GRIK1: variants seen among roughly 807,000 people sequenced by gnomAD.
The protein encoded by GRIK1 is glutamate receptor ionotropic, kainate 1.
In GRIK1, 69 loss-of-function variants were observed where a neutral mutation model predicts 105.7. That is an observed-to-expected ratio of 0.65 (90% confidence interval 0.54 to 0.80). The LOEUF is 0.80. GRIK1 is among the 30% of genes least tolerant of loss of function. The pLI, the probability that GRIK1 is intolerant of heterozygous loss-of-function variation, is 0.00. For missense variants in GRIK1, 1,109 were observed against 1,167.3 expected, an observed-to-expected ratio of 0.95 and a Z score of 0.73; for synonymous variants, 438 against 431.3, an observed-to-expected ratio of 1.02 and a Z score of -0.19.
At chr21:29,664,848 A>G (rs2063029615) in intron 4 of GRIK1, among the ~76,000 whole-genome samples, 1 of 152,154 alleles carries the variant, frequency 6.6e-6, no homozygotes, top group South Asian at 2.1e-4. Context: ...AATCTGACGG[A>G]CACTACAAAC....
chr21:29,939,269 T>A, intron 1 of GRIK1, 114 bp downstream of exon 1: 1 of 656,366 alleles, frequency 1.5e-6, no homozygotes. Context: ...ACCTCCACCT[T>A]CCCCAGCTCC....
rs150104176 is a variant in GRIK1 at position 29,756,370 on chromosome 21, G to T, written c.119-62307C>A. ...CACTCCAGCCTGGGCAACAGAGCGA[G>T]ACTCCATCTCAAAAAAGAAAAAATA... On this transcript the variant is annotated intron_variant, in intron 1 of 17. Coordinates refer to ENST00000327783, the MANE Select transcript of GRIK1 (RefSeq NM_001330994.2). Among the ~76,000 whole-genome samples, 30 of 152,124 alleles carry T rather than the reference G, an allele frequency of 2.0e-4. No homozygotes were observed. In the East Asian group the frequency reaches 5.8e-3, roughly 29 times the overall value.
chr21:29,589,462 C>A (rs560885808), intron 10 of GRIK1, among the ~76,000 whole-genome samples: 81 of 151,272 alleles, frequency 5.4e-4, no homozygotes, highest in African/African-American at 1.9e-3. Context: ...CACTCTGTCA[C>A]CCAGCCTGGA....
rs141790674 is a variant in GRIK1, at chr21:29,601,445, C to A, written c.1099-2508G>T. Among the ~76,000 whole-genome samples the A allele has an allele frequency of 5.7e-3, 863 of 152,312 alleles. 8 individuals carry two copies. The highest frequency in any genetic ancestry group is 0.02 in the African/African-American group (829 of 41,572). On this transcript the variant is annotated intron_variant, in intron 7 of 17. Transcript: ENST00000327783. ...GTATATATATCCTATTGTTCTGTTT[C>A]TCTGGAGAATTCTGGATAATACAGA...
intron 4 of GRIK1, among the ~76,000 whole-genome samples, chr21:29,655,793 G>T (rs1238729413): frequency 1.3e-5 from 2 of 152,008 alleles, no homozygotes; most frequent in Non-Finnish European, 2.9e-5. Flanking sequence ...ACTTGGGATC[G>T]TAATAGTTCC....
chr21:29,852,768 A>G (rs1218656574), intron 1 of GRIK1, among the ~76,000 whole-genome samples: 2 of 152,220 alleles, frequency 1.3e-5, no homozygotes, highest in African/African-American at 4.8e-5. Context: ...AGTTTGAGGA[A>G]TAATTTTTTC....
Position 29,774,514 on chromosome 21 carries a change from C to T in GRIK1, c.119-80451G>A, listed in dbSNP as rs1047243965. On this transcript the variant is annotated intron_variant, in intron 1 of 17. Coordinates refer to ENST00000327783, the MANE Select transcript of GRIK1 (RefSeq NM_001330994.2). Reference sequence around the variant, plus strand: ...TCACTCAGGCTGGAGTGCAGTGGCACGATCTCGGCTCACTGCAACCTCCAC... The same window carrying T: ...TCACTCAGGCTGGAGTGCAGTGGCATGATCTCGGCTCACTGCAACCTCCAC... 1.1e-4 allele frequency among the ~76,000 whole-genome samples: 16 copies of T among 146,250 alleles called. No individual in the cohort carries two copies. In the South Asian group the frequency reaches 1.3e-3, roughly 12 times the overall value.
chr21:29,747,167 C>T (rs1232745784), intron 1 of GRIK1, among the ~76,000 whole-genome samples: 3 of 152,200 alleles, frequency 2.0e-5, no homozygotes, highest in Non-Finnish European at 2.9e-5. Flanking sequence ...GCTCCCAGGA[C>T]TGCAAGACTT....
chr21:29,636,877 A>C (rs1291728488), intron 7 of GRIK1, among the ~76,000 whole-genome samples: 1 of 152,170 alleles, frequency 6.6e-6, no homozygotes, highest in Non-Finnish European at 1.5e-5. Context: ...ATTTTAGCAG[A>C]CAACTTCCAA....
At chr21:29,588,767 C>A in intron 11 of GRIK1, 72 bp downstream of exon 11, 1 of 855,590 alleles carries the variant, frequency 1.2e-6, no homozygotes. Flanking sequence ...AACATTTCTT[C>A]TGACATCATT....
intron 1 of GRIK1, among the ~76,000 whole-genome samples, chr21:29,921,971 T>A (rs553171249): frequency 6.6e-6 from 1 of 152,174 alleles, no homozygotes; most frequent in African/African-American, 2.4e-5. Context: ...CATCCTAAAG[T>A]AGTCCTTCTG....
intron 1 of GRIK1, among the ~76,000 whole-genome samples, chr21:29,839,225 T>C (rs2067902662): frequency 6.6e-6 from 1 of 152,076 alleles, no homozygotes; most frequent in African/African-American, 2.4e-5. Flanking sequence ...AATTTTTGTA[T>C]TTCTAGTAGA....
At chr21:29,659,041 T>C (rs2062909730) in intron 4 of GRIK1, among the ~76,000 whole-genome samples, 1 of 152,210 alleles carries the variant, frequency 6.6e-6, no homozygotes, top group South Asian at 2.1e-4. Context: ...GGGTCTTCCA[T>C]TGGCAATTAG....
intron 14 of GRIK1, among the ~76,000 whole-genome samples, chr21:29,574,683 CTTTTTTTTTT>C (rs71191118): frequency 1.0e-5 from 1 of 98,412 alleles, no homozygotes; most frequent in African/African-American, 3.7e-5. Flanking sequence ...TGATACACTT[CTTTTTTTTTT>C]TTTTTTTTTT....
chr21:29,699,845 C>T (rs779478663), intron 1 of GRIK1, among the ~76,000 whole-genome samples: 18 of 152,070 alleles, frequency 1.2e-4, no homozygotes, highest in African/African-American at 2.2e-4. Flanking sequence ...GAGAGGGTTT[C>T]GGCATGTTGG....
At chr21:29,786,701 A>G (rs1032968390) in intron 1 of GRIK1, among the ~76,000 whole-genome samples, 1 of 152,202 alleles carries the variant, frequency 6.6e-6, no homozygotes, top group South Asian at 2.1e-4. Context: ...ACTGTAGCAC[A>G]TGGAGGATAA....
chr21:29,657,337 C>T (rs1453483893), intron 4 of GRIK1: 1 of 152,148 alleles, frequency 6.6e-6, no homozygotes, highest in Non-Finnish European at 1.5e-5. Context: ...AAGAGATAAG[C>T]ATTTTTTTAA....
At chr21:29,639,109 T>C (rs530298395) in intron 7 of GRIK1, among the ~76,000 whole-genome samples, 1 of 152,324 alleles carries the variant, frequency 6.6e-6, no homozygotes, top group East Asian at 1.9e-4. Flanking sequence ...CTAGTCCAGC[T>C]CCTGACTCTG....
At chr21:29,560,391 T>C (rs1601112384) in intron 15 of GRIK1, among the ~76,000 whole-genome samples, 2 of 94,502 alleles carry the variant, frequency 2.1e-5, no homozygotes, top group Non-Finnish European at 2.0e-5. Context: ...CTTCCTTCCT[T>C]CCTTCCTTCC....
Sources: gnomAD v4.1 joint callset for allele counts (sites outside exome capture counted in the v4.1 genomes callset) on GRCh38, gnomAD v4.1.1 for gene constraint, MANE v1.5 for transcripts, NCBI Gene and HGNC (gene_info 2026-07-23, HGNC 2026-07-21) for gene names.